Variants in SETBP1 observed in about 807,000 individuals in gnomAD.
SETBP1 encodes the protein SET binding protein 1, also known as SET-binding protein.
In SETBP1, 9 loss-of-function variants were observed where a neutral mutation model predicts 101.0. The ratio of observed to expected loss-of-function variants is 0.09; its 90% CI spans 0.05 to 0.16. The LOEUF is 0.16. Ranked by LOEUF, SETBP1 falls within the 10% of genes least tolerant of loss-of-function variation. The pLI is 1.00. For synonymous variants in SETBP1, 818 were observed against 788.5 expected (o/e 1.04, Z -0.63); for missense variants, 1,858 against 2,033.8 (o/e 0.91, Z 1.66).
At chr18:44,904,770 A>G (rs1413767936) in intron 3 of SETBP1, among the ~76,000 whole-genome samples, 2 of 152,110 alleles carry the variant, frequency 1.3e-5, no homozygotes, top group East Asian at 3.9e-4. Context: ...CTTCTACCTC[A>G]TGGTTCTGCC....
chr18:44,694,456 C>G (rs941312591), intron 1 of SETBP1, among the ~76,000 whole-genome samples: 3 of 152,212 alleles, frequency 2.0e-5, no homozygotes, highest in Non-Finnish European at 4.4e-5. Flanking sequence ...AGGTGATCTG[C>G]CCACTTCAGC....
intron 2 of SETBP1, among the ~76,000 whole-genome samples, chr18:44,717,331 G>T (rs2069489021): frequency 6.6e-6 from 1 of 152,356 alleles, no homozygotes; most frequent in Non-Finnish European, 1.5e-5. Flanking sequence ...AAACGAGAGA[G>T]ACAGTTGGGT....
At chr18:44,681,716 T>C (rs955288753) in intron 1 of SETBP1, among the ~76,000 whole-genome samples, 3 of 152,166 alleles carry the variant, frequency 2.0e-5, no homozygotes, top group Non-Finnish European at 4.4e-5. Context: ...GCTGCATTTA[T>C]TCTTTATGTG....
At chr18:44,732,181 G>C (rs2069851831) in intron 2 of SETBP1, among the ~76,000 whole-genome samples, 1 of 152,194 alleles carries the variant, frequency 6.6e-6, no homozygotes, top group Admixed American at 6.5e-5. Flanking sequence ...TTACCACTCA[G>C]ATAGACGATC....
At chr18:44,882,191 TACAGAA>T (rs2069545108) in intron 3 of SETBP1, among the ~76,000 whole-genome samples, 1 of 152,182 alleles carries the variant, frequency 6.6e-6, no homozygotes, top group Non-Finnish European at 1.5e-5. Flanking sequence ...TTGGAGAGTA[TACAGAA>T]ACATTCATTT....
chr18:44,707,121 G>A (rs971295753), intron 2 of SETBP1, among the ~76,000 whole-genome samples: 3 of 152,188 alleles, frequency 2.0e-5, no homozygotes, highest in East Asian at 1.9e-4. Flanking sequence ...GAGCTGGAAG[G>A]GGCGAGGTTT....
At chr18:44,682,959 G>A (rs527998824) in intron 1 of SETBP1, among the ~76,000 whole-genome samples, 31 of 151,762 alleles carry the variant, frequency 2.0e-4, no homozygotes, top group Admixed American at 3.9e-4. Context: ...AAAGGGACTC[G>A]TCTCTCTTAG....
intron 3 of SETBP1, among the ~76,000 whole-genome samples, chr18:44,893,832 G>T (rs1038895091): frequency 2.6e-5 from 4 of 151,886 alleles, no homozygotes; most frequent in Non-Finnish European, 5.9e-5. Context: ...ATACCTATTT[G>T]TGTGTGTGTG....
At chr18:44,736,060 T>G (rs1042195484) in intron 2 of SETBP1, among the ~76,000 whole-genome samples, 4 of 152,178 alleles carry the variant, frequency 2.6e-5, no homozygotes, top group African/African-American at 9.7e-5. Context: ...ACTGGTCTTT[T>G]GGAATAGCCA....
At chr18:44,684,590 T>G (rs1437781257) in intron 1 of SETBP1, among the ~76,000 whole-genome samples, 1 of 151,734 alleles carries the variant, frequency 6.6e-6, no homozygotes, top group African/African-American at 2.4e-5. Flanking sequence ...AGAAGGTTTT[T>G]TTTTTTTTTT....
At chr18:44,863,284 G>T (rs2069054943) in intron 2 of SETBP1, among the ~76,000 whole-genome samples, 1 of 152,092 alleles carries the variant, frequency 6.6e-6, no homozygotes, top group Admixed American at 6.6e-5. Flanking sequence ...CAGTATGGCT[G>T]GATATTAGAA....
chr18:44,929,884 G>C (rs2070788123), intron 3 of SETBP1, among the ~76,000 whole-genome samples: 1 of 152,206 alleles, frequency 6.6e-6, no homozygotes, highest in Admixed American at 6.5e-5. Flanking sequence ...TCTGCAAACA[G>C]GGACAATTTG....
intron 2 of SETBP1, among the ~76,000 whole-genome samples, chr18:44,862,430 C>A (rs1000329426): frequency 2.6e-5 from 4 of 152,184 alleles, no homozygotes; most frequent in African/African-American, 9.7e-5. Context: ...GGACACAGTT[C>A]AGCTAGGATG....
intron 2 of SETBP1, among the ~76,000 whole-genome samples, chr18:44,704,908 T>C (rs992186694): frequency 6.6e-6 from 1 of 152,152 alleles, no homozygotes; most frequent in African/African-American, 2.4e-5. Context: ...GGACATGGAG[T>C]GGCCTCTGGG....
In SETBP1 at chr18:44,907,905, G is replaced by A. The variant is rs191187387; in HGVS notation, c.540+38622G>A. Among the ~76,000 whole-genome samples the A allele has an allele frequency of 9.9e-3, 1,505 of 152,180 alleles. 11 individuals carry two copies. Among genetic ancestry groups the A allele is most frequent in the Admixed American group, 0.016 (252 of 15,292 alleles). ...TTGGTGTCATATCTGGGGAGGGTTT[G>A]CCTAACCAAAGGTCAAAAAATATAC... On this transcript the variant is annotated intron_variant, in intron 3 of 5. Transcript: ENST00000649279.
chr18:44,957,363 C>T (rs183665343), intron 4 of SETBP1, among the ~76,000 whole-genome samples: 1 of 145,878 alleles, frequency 6.9e-6, no homozygotes, highest in Admixed American at 6.9e-5. Flanking sequence ...AACTGCTGTT[C>T]AAGCTCCTAT....
chr18:44,815,586 T>G (rs1452687011), intron 2 of SETBP1, among the ~76,000 whole-genome samples: 1 of 152,202 alleles, frequency 6.6e-6, no homozygotes, highest in African/African-American at 2.4e-5. Flanking sequence ...ACTGATACCT[T>G]TGCTATTCAT....
intron 1 of SETBP1, among the ~76,000 whole-genome samples, chr18:44,688,257 T>G (rs1205075605): frequency 2.0e-5 from 3 of 152,212 alleles, no homozygotes; most frequent in Admixed American, 2.0e-4. Flanking sequence ...GATTTTCAGT[T>G]CTGTCAGTGG....
chr18:45,016,309 G>T (rs1160087707), intron 4 of SETBP1, among the ~76,000 whole-genome samples: 4 of 152,140 alleles, frequency 2.6e-5, no homozygotes, highest in African/African-American at 9.7e-5. Context: ...GGCGGGCTAA[G>T]CCAGGGTGCA....
Sources: allele counts gnomAD v4.1 joint callset (sites outside exome capture counted in the v4.1 genomes callset), GRCh38; gene constraint gnomAD v4.1.1; transcripts MANE v1.5; gene names NCBI Gene and HGNC (gene_info 2026-07-23, HGNC 2026-07-21).